Variants in TMEM132B observed in about 807,000 individuals in gnomAD.
TMEM132B encodes the protein transmembrane protein 132B.
Under a neutral mutation model 90.8 loss-of-function variants are expected in TMEM132B, and 18 were observed. The observed-to-expected ratio is 0.20, with a 90% CI of 0.14 to 0.29. TMEM132B has a LOEUF of 0.29. Ranked by LOEUF, TMEM132B falls within the 10% of genes least tolerant of loss-of-function variation. TMEM132B has a pLI of 1.00. For missense variants in TMEM132B, 1,096 were observed against 1,326.8 expected, an observed-to-expected ratio of 0.83 and a Z score of 2.70; for synonymous variants, 504 against 523.3, an observed-to-expected ratio of 0.96 and a Z score of 0.50.
intron 1 of TMEM132B, among the ~76,000 whole-genome samples, chr12:125,256,757 T>G (rs1385922725): frequency 6.6e-6 from 1 of 152,166 alleles, no homozygotes; most frequent in African/African-American, 2.4e-5. Context: ...AACCTAATAT[T>G]ATAAAAGTGA....
intron 1 of TMEM132B, among the ~76,000 whole-genome samples, chr12:125,218,268 C>A (rs1873482866): frequency 6.6e-6 from 1 of 151,888 alleles, no homozygotes; most frequent in African/African-American, 2.4e-5. Context: ...ATGCCATGTG[C>A]ATTTTTTAAC....
intron 3 of TMEM132B, among the ~76,000 whole-genome samples, chr12:125,441,110 G>A (rs1368603570): frequency 6.6e-6 from 1 of 152,184 alleles, no homozygotes; most frequent in African/African-American, 2.4e-5. Context: ...TTAAGATAGG[G>A]AGAATTTTGT....
chr12:125,603,958 G>A (rs1885627528), intron 5 of TMEM132B, among the ~76,000 whole-genome samples: 2 of 151,198 alleles, frequency 1.3e-5, no homozygotes, highest in Non-Finnish European at 3.0e-5. Flanking sequence ...GGAGACTGGC[G>A]AGGCTGTGAA....
intron 5 of TMEM132B, among the ~76,000 whole-genome samples, chr12:125,638,317 C>T (rs1593037393): frequency 6.6e-6 from 1 of 152,270 alleles, no homozygotes; most frequent in East Asian, 1.9e-4. Context: ...ATTTTGAAAA[C>T]AACGCAGGGT....
At chr12:125,437,012 A>G (rs553282324) in intron 3 of TMEM132B, among the ~76,000 whole-genome samples, 1 of 152,204 alleles carries the variant, frequency 6.6e-6, no homozygotes, top group East Asian at 1.9e-4. Flanking sequence ...TATAATTCTG[A>G]TGGATGCAGT....
intron 1 of TMEM132B, among the ~76,000 whole-genome samples, chr12:125,332,477 C>A (rs955031647): frequency 2.6e-5 from 4 of 152,014 alleles, no homozygotes; most frequent in African/African-American, 7.3e-5. Context: ...AGCGCAGCTC[C>A]CCAGAAGCAG....
chr12:125,187,193 C>T (rs1174894746), intron 1 of TMEM132B, among the ~76,000 whole-genome samples: 1 of 152,190 alleles, frequency 6.6e-6, no homozygotes, highest in Non-Finnish European at 1.5e-5. Context: ...CTGCCTTGGG[C>T]CAAATCCCCC....
At chr12:125,457,398 G>T (rs1158771976) in intron 3 of TMEM132B, among the ~76,000 whole-genome samples, 1 of 152,144 alleles carries the variant, frequency 6.6e-6, no homozygotes, top group African/African-American at 2.4e-5. Context: ...GTTGGAATTG[G>T]GATCTGCATT....
intron 5 of TMEM132B, chr12:125,587,976 G>C (rs917561271): frequency 2.0e-5 from 3 of 152,240 alleles, no homozygotes; most frequent in African/African-American, 7.2e-5. Context: ...GTGAGGTGGA[G>C]AGGGAGACAT....
At chr12:125,323,749 C>T (rs1876489969) in intron 1 of TMEM132B, among the ~76,000 whole-genome samples, 1 of 152,180 alleles carries the variant, frequency 6.6e-6, no homozygotes, top group African/African-American at 2.4e-5. Flanking sequence ...CAACTCCTGA[C>T]CTCAGGTGGT....
At chr12:125,563,041 C>T (rs1389427741) in intron 4 of TMEM132B, among the ~76,000 whole-genome samples, 2 of 151,784 alleles carry the variant, frequency 1.3e-5, no homozygotes, top group Non-Finnish European at 2.9e-5. Context: ...GCAGTCAGAA[C>T]ACACACACTG....
chr12:125,358,669 T>C (rs1317089303), intron 2 of TMEM132B, among the ~76,000 whole-genome samples: 1 of 152,196 alleles, frequency 6.6e-6, no homozygotes, highest in African/African-American at 2.4e-5. Flanking sequence ...AGTGAAGTGC[T>C]CTGTCCTCCT....
intron 1 of TMEM132B, among the ~76,000 whole-genome samples, chr12:125,255,285 TTC>T (rs151173221): frequency 4.0e-4 from 60 of 149,208 alleles, no homozygotes; most frequent in Non-Finnish European, 5.7e-4. Flanking sequence ...CTTTCTTTCT[TTC>T]TCTCTCTCTC....
chr12:125,435,666 C>T (rs1246300686), intron 3 of TMEM132B, among the ~76,000 whole-genome samples: 1 of 152,176 alleles, frequency 6.6e-6, no homozygotes, highest in African/African-American at 2.4e-5. Context: ...GATTTACTAA[C>T]AGATGGAAGA....
chr12:125,317,629 C>T (rs1459479697), intron 1 of TMEM132B, among the ~76,000 whole-genome samples: 1 of 152,072 alleles, frequency 6.6e-6, no homozygotes. Flanking sequence ...CCTCCTCCGT[C>T]ATCAGCTTAG....
In TMEM132B at chr12:125,386,326, G is replaced by A. The variant is rs140134369; in HGVS notation, c.960-29205G>A. On this transcript the variant is annotated intron_variant, in intron 2 of 8. Coordinates refer to ENST00000682704, the MANE Select transcript of TMEM132B (RefSeq NM_001366854.1). ...GAATGCAGCAAGAGTCTAGATGGACGCATGGTGGGAGGGAAGTAAGGTCAG... is the reference window on the plus strand; with the variant it reads ...GAATGCAGCAAGAGTCTAGATGGACACATGGTGGGAGGGAAGTAAGGTCAG... 4.3e-4 allele frequency among the ~76,000 whole-genome samples: 66 copies of A among 152,250 alleles called. No individual in the cohort carries two copies. The East Asian group carries it at 0.013, about 29-fold the overall frequency.
intron 3 of TMEM132B, among the ~76,000 whole-genome samples, chr12:125,462,417 G>A (rs1046301114): frequency 6.6e-6 from 1 of 152,142 alleles, no homozygotes; most frequent in Admixed American, 6.5e-5. Flanking sequence ...ATGGAGGGGC[G>A]AGTCTGGCAG....
intron 1 of TMEM132B, among the ~76,000 whole-genome samples, chr12:125,233,751 T>C (rs926912172): frequency 6.6e-6 from 1 of 152,200 alleles, no homozygotes; most frequent in Non-Finnish European, 1.5e-5. Flanking sequence ...CTCCCTTTGA[T>C]TGGGCTCGTG....
chr12:125,481,234 C>T (rs1335733231), intron 3 of TMEM132B, among the ~76,000 whole-genome samples: 1 of 152,080 alleles, frequency 6.6e-6, no homozygotes, highest in Non-Finnish European at 1.5e-5. Flanking sequence ...CTATTCAACA[C>T]AGTGTTGGAA....
Sources: allele counts gnomAD v4.1 joint callset (sites outside exome capture counted in the v4.1 genomes callset), GRCh38; gene constraint gnomAD v4.1.1; transcripts MANE v1.5; gene names NCBI Gene and HGNC (gene_info 2026-07-23, HGNC 2026-07-21).